Variants in CNTN5 observed in about 807,000 individuals in gnomAD.
CNTN5 encodes contactin 5.
Under a neutral mutation model 129.1 loss-of-function variants are expected in CNTN5, and 77 were observed. The observed-to-expected ratio is 0.60, with a 90% CI of 0.50 to 0.72. CNTN5 has a LOEUF of 0.72. Ranked by LOEUF, CNTN5 falls within the 30% of genes least tolerant of loss-of-function variation. The probability of loss-of-function intolerance (pLI) is 0.00; values close to 1 mark genes in which losing one functional copy is unlikely to be tolerated. For missense variants in CNTN5, 1,478 were observed against 1,328.8 expected, an observed-to-expected ratio of 1.11 and a Z score of -1.75; for synonymous variants, 509 against 465.6, an observed-to-expected ratio of 1.09 and a Z score of -1.20.
intron 3 of CNTN5, among the ~76,000 whole-genome samples, chr11:99,585,771 T>C (rs1250447518): frequency 6.6e-6 from 1 of 152,012 alleles, no homozygotes; most frequent in African/African-American, 2.4e-5. Context: ...GGCTGGAGAG[T>C]TAGTCATGTT....
intron 15 of CNTN5, among the ~76,000 whole-genome samples, chr11:100,198,803 T>A (rs1050543662): frequency 1.3e-5 from 2 of 151,916 alleles, no homozygotes; most frequent in Non-Finnish European, 2.9e-5. Flanking sequence ...GAAACATGCC[T>A]GATTCATATG....
At chr11:99,783,510 C>T (rs1348817544) in intron 3 of CNTN5, among the ~76,000 whole-genome samples, 1 of 62,128 alleles carries the variant, frequency 1.6e-5, no homozygotes, top group Non-Finnish European at 3.2e-5. Flanking sequence ...GCTATAAAGA[C>T]ACATGCACAC....
At chr11:99,368,985 GT>G (rs1048335431) in intron 2 of CNTN5, among the ~76,000 whole-genome samples, 7 of 151,700 alleles carry the variant, frequency 4.6e-5, no homozygotes, top group African/African-American at 1.7e-4. Context: ...ATTGGCAAAA[GT>G]TTTTGTCTAA....
intron 17 of CNTN5, among the ~76,000 whole-genome samples, chr11:100,267,278 CACAGAG>C (rs1189315152): frequency 5.7e-4 from 78 of 136,488 alleles, no homozygotes; most frequent in African/African-American, 2.1e-3. Flanking sequence ...CACACACACA[CACAGAG>C]AGAGAGAGAA....
At chr11:99,476,225 A>G (rs1417590662) in intron 2 of CNTN5, among the ~76,000 whole-genome samples, 1 of 152,070 alleles carries the variant, frequency 6.6e-6, no homozygotes, top group African/African-American at 2.4e-5. Context: ...TAAGATAATT[A>G]TCACTTGAGG....
At chr11:99,323,443 A>T (rs1331635973) in intron 1 of CNTN5, among the ~76,000 whole-genome samples, 1 of 152,152 alleles carries the variant, frequency 6.6e-6, no homozygotes, top group East Asian at 1.9e-4. Context: ...AGTTCATTAT[A>T]ATTTTTTTCT....
chr11:99,742,866 G>T (rs970187), intron 3 of CNTN5, among the ~76,000 whole-genome samples: 1 of 152,126 alleles, frequency 6.6e-6, no homozygotes, highest in African/African-American at 2.4e-5. Flanking sequence ...TCCAGTCAAT[G>T]TTTTAGAGCC....
intron 21 of CNTN5, among the ~76,000 whole-genome samples, chr11:100,338,753 A>T (rs1952091724): frequency 6.6e-6 from 1 of 152,164 alleles, no homozygotes; most frequent in Non-Finnish European, 1.5e-5. Context: ...CTGGCAGGAA[A>T]AATCTCCATG....
chr11:99,537,386 C>T (rs1346274734), intron 2 of CNTN5, among the ~76,000 whole-genome samples: 1 of 152,018 alleles, frequency 6.6e-6, no homozygotes, highest in African/African-American at 2.4e-5. Flanking sequence ...AGATGTTGAA[C>T]CCACACCTGT....
intron 17 of CNTN5, among the ~76,000 whole-genome samples, chr11:100,270,830 G>T (rs1950394254): frequency 6.6e-6 from 1 of 152,150 alleles, no homozygotes; most frequent in Admixed American, 6.5e-5. Flanking sequence ...ATAATTATTA[G>T]TGTACATAAT....
At chr11:100,010,730 C>G (rs1207941369) in intron 9 of CNTN5, among the ~76,000 whole-genome samples, 1 of 152,044 alleles carries the variant, frequency 6.6e-6, no homozygotes, top group African/African-American at 2.4e-5. Flanking sequence ...ATTTTCAAAC[C>G]CATCTCTTAA....
At chr11:99,239,724 A>T (rs1395174218) in intron 1 of CNTN5, among the ~76,000 whole-genome samples, 1 of 152,100 alleles carries the variant, frequency 6.6e-6, no homozygotes, top group African/African-American at 2.4e-5. Flanking sequence ...TCACGAGGTC[A>T]GCAGATCGAG....
intron 21 of CNTN5, among the ~76,000 whole-genome samples, chr11:100,312,366 A>G (rs1951487886): frequency 6.6e-6 from 1 of 151,972 alleles, no homozygotes; most frequent in Non-Finnish European, 1.5e-5. Flanking sequence ...TCTTTTCTGT[A>G]TTCTTTTTCC....
At chr11:99,849,674 C>T (rs537354033) in intron 6 of CNTN5, among the ~76,000 whole-genome samples, 9 of 152,214 alleles carry the variant, frequency 5.9e-5, no homozygotes, top group African/African-American at 2.2e-4. Flanking sequence ...TTTTGAATGT[C>T]TCAAGCTCAC....
chr11:100,059,835 T>G (rs1478892387), intron 9 of CNTN5, among the ~76,000 whole-genome samples: 5 of 152,186 alleles, frequency 3.3e-5, no homozygotes, highest in Admixed American at 3.3e-4. Context: ...CCTGCTTTTG[T>G]GAATGACTGC....
intron 2 of CNTN5, among the ~76,000 whole-genome samples, chr11:99,449,962 A>G (rs185940935): frequency 2.5e-4 from 38 of 152,278 alleles, no homozygotes; most frequent in African/African-American, 8.7e-4. Flanking sequence ...TAAAATAACA[A>G]TTCTGGAAGG....
chr11:99,799,867 A>C (rs1055077080), intron 3 of CNTN5, among the ~76,000 whole-genome samples: 2 of 151,966 alleles, frequency 1.3e-5, no homozygotes, highest in African/African-American at 4.8e-5. Flanking sequence ...CTGTGAATCC[A>C]TCTGCTCTGG....
chr11:99,818,574 A>G (rs1032969767), intron 3 of CNTN5, among the ~76,000 whole-genome samples: 2 of 152,238 alleles, frequency 1.3e-5, no homozygotes, highest in East Asian at 1.9e-4. Context: ...CCAGAGTCTT[A>G]GAAGTATTTC....
At chr11:99,480,951 A>C (rs1591135040) in intron 2 of CNTN5, among the ~76,000 whole-genome samples, 1 of 152,306 alleles carries the variant, frequency 6.6e-6, no homozygotes, top group African/African-American at 2.4e-5. Context: ...TATCTAAGAT[A>C]ACCACGAAAT....
Sources: allele counts gnomAD v4.1 joint callset (sites outside exome capture counted in the v4.1 genomes callset), GRCh38; gene constraint gnomAD v4.1.1; transcripts MANE v1.5; gene names NCBI Gene and HGNC (gene_info 2026-07-23, HGNC 2026-07-21).